The following LHFPL3 variants were observed in gnomAD, a reference collection of about 807,000 sequenced individuals.
LHFPL3 encodes the protein LHFPL tetraspan subfamily member 3 protein.
In LHFPL3, 5 loss-of-function variants were observed where a neutral mutation model predicts 19.3. That is an observed-to-expected ratio of 0.26 (90% CI 0.14 to 0.54). The LOEUF (loss-of-function observed/expected upper bound fraction) is 0.54. Among genes scored for constraint, LHFPL3 ranks in the 20% least tolerant of loss-of-function variants. The pLI is 0.94. For synonymous variants in LHFPL3, 133 were observed against 126.2 expected (o/e 1.05, Z -0.36); for missense variants, 249 against 307.4 (o/e 0.81, Z 1.42).
At chr7:104,551,173 C>A (rs1427125597) in intron 1 of LHFPL3, among the ~76,000 whole-genome samples, 1 of 152,186 alleles carries the variant, frequency 6.6e-6, no homozygotes, top group Non-Finnish European at 1.5e-5. Flanking sequence ...AAAAAAACAA[C>A]TATTAAGTTG....
intron 1 of LHFPL3, among the ~76,000 whole-genome samples, chr7:104,522,935 A>C (rs1794100321): frequency 6.6e-6 from 1 of 152,060 alleles, no homozygotes; most frequent in African/African-American, 2.4e-5. Context: ...TGGAAGTAAC[A>C]GGGTCATCTG....
Position 104,399,962 on chromosome 7 carries a change from G to A in LHFPL3, c.445+70738G>A, listed in dbSNP as rs537303029. Among the ~76,000 whole-genome samples the A allele has an allele frequency of 1.3e-5, 2 of 150,968 alleles. No individual in the cohort carries two copies. The highest frequency in any genetic ancestry group is 6.6e-5 in the Admixed American group (1 of 15,120). On this transcript the variant is annotated intron_variant, in intron 1 of 2. Coordinates refer to ENST00000424859, the MANE Select transcript of LHFPL3 (RefSeq NM_199000.3). The surrounding 1 kb of genome is among the most constrained non-coding windows in gnomAD (Gnocchi z 4.4). ...CTACTAAAAATACAAAAATTAGCTG[G>A]GCATGGTGGCAGATGCCTGTAATCC... is the stretch of plus-strand genomic sequence containing the variant.
intron 2 of LHFPL3, among the ~76,000 whole-genome samples, chr7:104,759,060 G>C (rs1794332640): frequency 6.6e-6 from 1 of 152,168 alleles, no homozygotes; most frequent in African/African-American, 2.4e-5. Context: ...GTCACGCCGA[G>C]GACAAATAGA....
chr7:104,732,423 A>G (rs1793722554), intron 1 of LHFPL3, among the ~76,000 whole-genome samples: 1 of 152,114 alleles, frequency 6.6e-6, no homozygotes, highest in Non-Finnish European at 1.5e-5. Context: ...GTCTATTCAG[A>G]GATTCAACTT....
chr7:104,530,544 C>A (rs911905579), intron 1 of LHFPL3, among the ~76,000 whole-genome samples: 1 of 152,176 alleles, frequency 6.6e-6, no homozygotes, highest in Non-Finnish European at 1.5e-5. Flanking sequence ...ATTTAGAATT[C>A]AAGGAAAGCA....
intron 1 of LHFPL3, among the ~76,000 whole-genome samples, chr7:104,650,428 C>G (rs1016498630): frequency 6.6e-6 from 1 of 152,212 alleles, no homozygotes; most frequent in African/African-American, 2.4e-5. Flanking sequence ...CTTCCCCCTA[C>G]TTAGCGAGCA....
intron 2 of LHFPL3, among the ~76,000 whole-genome samples, chr7:104,788,768 G>A (rs1010719397): frequency 6.6e-6 from 1 of 152,216 alleles, no homozygotes; most frequent in African/African-American, 2.4e-5. Flanking sequence ...GAGCGTTAAG[G>A]AGAGTTATCT....
chr7:104,506,401 A>G (rs41042), intron 1 of LHFPL3, among the ~76,000 whole-genome samples: 3,505 of 152,252 alleles, frequency 0.023, 113 homozygotes, highest in African/African-American at 0.079. Context: ...AAGGCTCCCA[A>G]GTGTTCCCAT....
chr7:104,360,695 G>T (rs561141820), intron 1 of LHFPL3, among the ~76,000 whole-genome samples: 1 of 1,284 alleles, frequency 7.8e-4, no homozygotes, highest in African/African-American at 3.6e-3. Flanking sequence ...AAGTGCTTCC[G>T]TGTGTGTGTG....
At chr7:104,450,982 C>G (rs148795175) in intron 1 of LHFPL3, among the ~76,000 whole-genome samples, 1 of 152,204 alleles carries the variant, frequency 6.6e-6, no homozygotes, top group South Asian at 2.1e-4. Flanking sequence ...TCCTACAAAC[C>G]GTCCTCAACT....
At chr7:104,843,575 G>A (rs1288532676) in intron 2 of LHFPL3, among the ~76,000 whole-genome samples, 11 of 152,250 alleles carry the variant, frequency 7.2e-5, no homozygotes, top group Middle Eastern at 6.8e-3. Context: ...ATAATCAATT[G>A]AGTCACTTCA....
chr7:104,690,840 G>A (rs914938508), intron 1 of LHFPL3, among the ~76,000 whole-genome samples: 2 of 152,206 alleles, frequency 1.3e-5, no homozygotes, highest in African/African-American at 2.4e-5. Flanking sequence ...TCCAGAATAG[G>A]AGAAAGCTCT....
intron 2 of LHFPL3, among the ~76,000 whole-genome samples, chr7:104,790,165 A>C (rs1426131035): frequency 6.6e-6 from 1 of 152,170 alleles, no homozygotes; most frequent in Non-Finnish European, 1.5e-5. Context: ...TTGCTTCCAA[A>C]TGCAATTCCA....
rs111873248 is a variant in LHFPL3, at chr7:104,449,729, T to C, written c.445+120505T>C. On this transcript the variant is annotated intron_variant, in intron 1 of 2. Transcript: ENST00000424859. The stretch of plus-strand genomic sequence containing the variant: ...TGATTCCATCAAAGCACAGAACAGT[T>C]TGAGACCAAAGGACATCACTCCAGG... Among the ~76,000 whole-genome samples, 1,179 of 152,338 alleles carry C rather than the reference T, an allele frequency of 7.7e-3. 13 individuals carry two copies. Among genetic ancestry groups the C allele is most frequent in the African/African-American group, 0.027 (1,123 of 41,570 alleles).
chr7:104,634,931 A>C (rs1791705372), intron 1 of LHFPL3, among the ~76,000 whole-genome samples: 1 of 152,204 alleles, frequency 6.6e-6, no homozygotes, highest in Non-Finnish European at 1.5e-5. Flanking sequence ...AAACAGGAAA[A>C]CAGAGCTCAG....
intron 1 of LHFPL3, among the ~76,000 whole-genome samples, chr7:104,541,103 GACAC>G (rs58831498): frequency 0.16 from 22,176 of 134,432 alleles, 1,787 homozygotes; most frequent in Middle Eastern, 0.2. Context: ...TCCTCCCCAT[GACAC>G]ACACACACAC....
At chr7:104,747,579 C>T (rs928156348) in intron 2 of LHFPL3, among the ~76,000 whole-genome samples, 1 of 152,170 alleles carries the variant, frequency 6.6e-6, no homozygotes, top group African/African-American at 2.4e-5. Flanking sequence ...AAGTGTCAAG[C>T]AAATATAAGT....
intron 1 of LHFPL3, among the ~76,000 whole-genome samples, chr7:104,493,464 C>T (rs1286067871): frequency 3.9e-5 from 6 of 151,914 alleles, no homozygotes; most frequent in Non-Finnish European, 5.9e-5. Context: ...TCCTTTACAG[C>T]GCATGTATCT....
At chr7:104,355,583 G>A (rs11977984) in intron 1 of LHFPL3, among the ~76,000 whole-genome samples, 47,418 of 152,112 alleles carry the variant, frequency 0.31, 8,319 homozygotes, top group Middle Eastern at 0.47. Flanking sequence ...AGTTTAGTAT[G>A]TCTGTTAAAC....
Sources: allele counts gnomAD v4.1 joint callset (sites outside exome capture counted in the v4.1 genomes callset), GRCh38; gene constraint gnomAD v4.1.1; non-coding constraint Gnocchi (gnomAD v3.1); transcripts MANE v1.5; gene names NCBI Gene and HGNC (gene_info 2026-07-23, HGNC 2026-07-21).